The following CA10 variants were observed in gnomAD, a reference collection of about 807,000 sequenced individuals.
CA10 encodes carbonic anhydrase 10 (inactive), also known as carbonic anhydrase-related protein 10.
In CA10, 14 loss-of-function variants were observed where a neutral mutation model predicts 44.2. The ratio of observed to expected loss-of-function variants is 0.32; its 90% CI spans 0.21 to 0.50. The LOEUF is 0.50. CA10 is among the 20% of genes least tolerant of loss of function. The pLI is 0.99. For missense variants in CA10, 350 were observed against 409.7 expected, an observed-to-expected ratio of 0.85 and a Z score of 1.26; for synonymous variants, 159 against 141.6, an observed-to-expected ratio of 1.12 and a Z score of -0.87.
At chr17:52,032,789 A>T (rs1163754786) in intron 2 of CA10, among the ~76,000 whole-genome samples, 3 of 152,198 alleles carry the variant, frequency 2.0e-5, no homozygotes, top group Non-Finnish European at 4.4e-5. Flanking sequence ...GCCAGGGAGA[A>T]AAATGGGCCA....
Position 51,678,450 on chromosome 17 carries a change from C to A in CA10, c.466-24714G>T, listed in dbSNP as rs151129601. On this transcript the variant is annotated intron_variant, in intron 4 of 8. Transcript: ENST00000451037. ...AGCCTGAATAACTGATTTACTTATT[C>A]GGAAAAGCAAAGCCGTTTAAAAAAT... Among the ~76,000 whole-genome samples, 281 of 152,254 alleles carry A rather than the reference C, an allele frequency of 1.8e-3. 2 individuals are homozygous for A. The East Asian group carries it at 0.044, about 24-fold the overall frequency.
intron 4 of CA10, among the ~76,000 whole-genome samples, chr17:51,708,484 C>T (rs1332783895): frequency 6.6e-6 from 1 of 152,182 alleles, no homozygotes; most frequent in African/African-American, 2.4e-5. Context: ...GTATACTTTT[C>T]CCCAGGTGTG....
intron 3 of CA10, among the ~76,000 whole-genome samples, chr17:51,924,261 A>G (rs921288566): frequency 6.6e-6 from 1 of 152,078 alleles, no homozygotes; most frequent in African/African-American, 2.4e-5. Flanking sequence ...AAAAGGAGAG[A>G]TGCATTCACT....
At chr17:51,779,888 T>C (rs907300023) in intron 3 of CA10, among the ~76,000 whole-genome samples, 3 of 152,242 alleles carry the variant, frequency 2.0e-5, no homozygotes, top group African/African-American at 7.2e-5. Context: ...CTGCCTGCGG[T>C]TGGATGATGG....
chr17:52,129,422 C>T (rs1989184910), intron 1 of CA10, among the ~76,000 whole-genome samples: 2 of 152,122 alleles, frequency 1.3e-5, no homozygotes, highest in Admixed American at 1.3e-4. Context: ...TTCACAAGAA[C>T]ACTATGAGGT....
intron 3 of CA10, among the ~76,000 whole-genome samples, chr17:51,780,945 A>G (rs1340741247): frequency 6.6e-6 from 1 of 152,228 alleles, no homozygotes; most frequent in Non-Finnish European, 1.5e-5. Context: ...TGGGCATGGC[A>G]GTGGGCTAAT....
chr17:52,015,906 C>T (rs1195888694), intron 2 of CA10, among the ~76,000 whole-genome samples: 1 of 152,012 alleles, frequency 6.6e-6, no homozygotes, highest in Non-Finnish European at 1.5e-5. Flanking sequence ...AGGTCAACCA[C>T]GTTGGATGTG....
At chr17:51,718,082 G>C (rs1916230048) in intron 4 of CA10, among the ~76,000 whole-genome samples, 1 of 148,612 alleles carries the variant, frequency 6.7e-6, no homozygotes, top group Non-Finnish European at 1.5e-5. Context: ...GGAGGAGGGG[G>C]ACGAGGGACA....
chr17:51,715,846 C>A (rs186509303), intron 4 of CA10, among the ~76,000 whole-genome samples: 4 of 152,062 alleles, frequency 2.6e-5, no homozygotes, highest in African/African-American at 7.2e-5. Context: ...TGTGCCACCA[C>A]GCCTGGCTAA....
chr17:51,713,598 G>A (rs771233574), intron 4 of CA10, among the ~76,000 whole-genome samples: 1 of 152,170 alleles, frequency 6.6e-6, no homozygotes, highest in African/African-American at 2.4e-5. Flanking sequence ...TAGAGCAAAG[G>A]GTAGAGTGTG....
chr17:51,743,615 C>G (rs1251294943), intron 4 of CA10, among the ~76,000 whole-genome samples: 1 of 152,218 alleles, frequency 6.6e-6, no homozygotes. Flanking sequence ...CCTCACTAGA[C>G]AAGACTGCAA....
intron 1 of CA10, among the ~76,000 whole-genome samples, chr17:52,152,598 C>T (rs1281627631): frequency 6.6e-6 from 1 of 152,116 alleles, no homozygotes; most frequent in Non-Finnish European, 1.5e-5. Flanking sequence ...TCCTTTATAT[C>T]ACAATGCATT....
intron 1 of CA10, among the ~76,000 whole-genome samples, chr17:52,155,756 AG>A (rs1989790956): frequency 6.6e-6 from 1 of 152,232 alleles, no homozygotes; most frequent in Non-Finnish European, 1.5e-5. Context: ...GCTAATAGCT[AG>A]CAATTTTGCT....
At chr17:51,970,145 C>A (rs892712941) in intron 2 of CA10, among the ~76,000 whole-genome samples, 8 of 152,140 alleles carry the variant, frequency 5.3e-5, no homozygotes, top group African/African-American at 1.7e-4. Context: ...CAAGGCTGGG[C>A]AAAACTTGTC....
intron 1 of CA10, among the ~76,000 whole-genome samples, chr17:52,145,133 A>G (rs745615683): frequency 3.3e-5 from 5 of 152,152 alleles, no homozygotes; most frequent in Admixed American, 6.6e-5. Context: ...TCATTCCACA[A>G]ATGTTATTTG....
intron 4 of CA10, among the ~76,000 whole-genome samples, chr17:51,667,398 A>G (rs968463396): frequency 6.6e-6 from 1 of 152,122 alleles, no homozygotes; most frequent in Non-Finnish European, 1.5e-5. Flanking sequence ...CAGTACTTCC[A>G]TCATGATGTC....
chr17:51,970,533 AT>A (rs150619932), intron 2 of CA10, among the ~76,000 whole-genome samples: 6,425 of 152,048 alleles, frequency 0.042, 473 homozygotes, highest in African/African-American at 0.15. Context: ...ACCCTGCATA[AT>A]TTTTTTATAG....
chr17:51,716,754 T>G (rs1461057194), intron 4 of CA10, among the ~76,000 whole-genome samples: 1 of 152,210 alleles, frequency 6.6e-6, no homozygotes, highest in African/African-American at 2.4e-5. Flanking sequence ...AATGTTGAAT[T>G]AGGTATAAAA....
intron 2 of CA10, among the ~76,000 whole-genome samples, chr17:52,013,770 G>A (rs1297766968): frequency 5.3e-5 from 8 of 151,830 alleles, no homozygotes; most frequent in Non-Finnish European, 1.5e-5. Context: ...ATTATCCACA[G>A]GGGACTGGTT....
Sources: allele counts gnomAD v4.1 joint callset (sites outside exome capture counted in the v4.1 genomes callset), GRCh38; gene constraint gnomAD v4.1.1; transcripts MANE v1.5; gene names NCBI Gene and HGNC (gene_info 2026-07-23, HGNC 2026-07-21).